Variants in ACOXL observed in about 807,000 individuals in gnomAD.
The protein encoded by ACOXL is acyl-coenzyme A oxidase-like protein.
In ACOXL, 70 loss-of-function variants were observed where a neutral mutation model predicts 71.9. The observed-to-expected ratio is 0.97, with a 90% CI of 0.80 to 1.19. The LOEUF (loss-of-function observed/expected upper bound fraction) is 1.19, where lower values mean the gene tolerates loss of function less well. Among genes scored for constraint, ACOXL ranks in the 50% most tolerant of loss-of-function variants. The probability of loss-of-function intolerance (pLI) is 0.00; values close to 1 mark genes in which losing one functional copy is unlikely to be tolerated. For missense variants in ACOXL, 703 were observed against 736.3 expected, an observed-to-expected ratio of 0.95 and a Z score of 0.52; for synonymous variants, 253 against 281.6, an observed-to-expected ratio of 0.90 and a Z score of 1.02.
intron 11 of ACOXL, among the ~76,000 whole-genome samples, chr2:110,911,369 T>A (rs981391392): frequency 6.6e-6 from 1 of 151,980 alleles, no homozygotes; most frequent in African/African-American, 2.4e-5. Flanking sequence ...TCCCAACTTA[T>A]CCCATGTGGC....
intron 10 of ACOXL, among the ~76,000 whole-genome samples, chr2:110,862,107 G>A (rs969529552): frequency 6.6e-6 from 1 of 152,168 alleles, no homozygotes. Context: ...CCTTCGAACC[G>A]AGAACCCTCA....
At chr2:111,097,434 T>C (rs1355010698) in intron 17 of ACOXL, among the ~76,000 whole-genome samples, 1 of 152,242 alleles carries the variant, frequency 6.6e-6, no homozygotes, top group Non-Finnish European at 1.5e-5. Flanking sequence ...CATTTTCATT[T>C]ATTTTATCTG....
intron 14 of ACOXL, among the ~76,000 whole-genome samples, chr2:111,024,600 G>A (rs2064931399): frequency 6.6e-6 from 1 of 152,188 alleles, no homozygotes; most frequent in Admixed American, 6.5e-5. Context: ...TTGTGGTAAG[G>A]AGTTACAGCA....
At chr2:110,799,148 C>A in intron 7 of ACOXL, 48 bp downstream of exon 7, 1 of 1,548,358 alleles carries the variant, frequency 6.5e-7, no homozygotes, top group South Asian at 1.1e-5. Context: ...CCTACCTGCT[C>A]CCCACCTGAC....
chr2:110,786,441 T>C (rs1237884606), intron 3 of ACOXL, among the ~76,000 whole-genome samples: 1 of 152,204 alleles, frequency 6.6e-6, no homozygotes, highest in Non-Finnish European at 1.5e-5. Flanking sequence ...CTTGGATGGG[T>C]TGGCTGTGGC....
chr2:110,996,032 CT>C, intron 14 of ACOXL, 28 bp downstream of exon 14: 1 of 1,563,356 alleles, frequency 6.4e-7, no homozygotes, highest in Non-Finnish European at 8.8e-7. Context: ...TATATTTTTC[CT>C]TTTGACATGT....
intron 8 of ACOXL, 74 bp from the exon 9 acceptor site, chr2:110,805,189 G>C: frequency 6.3e-7 from 1 of 1,584,146 alleles, no homozygotes; most frequent in Non-Finnish European, 8.6e-7. Flanking sequence ...GTATGCACAT[G>C]GGAGCCACCT....
At chr2:110,887,049 G>T (rs562398677) in intron 10 of ACOXL, 4 of 595,570 alleles carry the variant, frequency 6.7e-6, no homozygotes, top group South Asian at 4.6e-5. Flanking sequence ...GCGTCCACGG[G>T]TCTGCTGTGT....
intron 16 of ACOXL, among the ~76,000 whole-genome samples, chr2:111,089,535 A>C (rs78323860): frequency 0.028 from 4,267 of 152,296 alleles, 126 homozygotes; most frequent in South Asian, 0.14. Context: ...CTTAACCAAG[A>C]GTCATAAAGA....
At chr2:110,941,394 G>A (rs961265919) in intron 12 of ACOXL, among the ~76,000 whole-genome samples, 12 of 152,206 alleles carry the variant, frequency 7.9e-5, no homozygotes, top group African/African-American at 2.4e-4. Context: ...GACACCGGAC[G>A]TCACTGGACA....
chr2:110,814,754 C>T (rs560143799), intron 9 of ACOXL, among the ~76,000 whole-genome samples: 14 of 152,172 alleles, frequency 9.2e-5, no homozygotes, highest in Middle Eastern at 3.2e-3. Flanking sequence ...GTCAAAATAT[C>T]TTTACAATTT....
chr2:110,906,317 C>G (rs1359171202), intron 10 of ACOXL, among the ~76,000 whole-genome samples: 1 of 151,920 alleles, frequency 6.6e-6, no homozygotes, highest in African/African-American at 2.4e-5. Context: ...GCGGGTGGAT[C>G]ACCTGAGTTC....
At chr2:110,770,375 A>T (rs1259402544) in intron 2 of ACOXL, among the ~76,000 whole-genome samples, 1 of 152,160 alleles carries the variant, frequency 6.6e-6, no homozygotes, top group Non-Finnish European at 1.5e-5. Context: ...GTCTAAGGAG[A>T]CAAGGACCAA....
chr2:110,768,064 G>A (rs570523185), intron 1 of ACOXL, among the ~76,000 whole-genome samples: 20 of 152,174 alleles, frequency 1.3e-4, no homozygotes, highest in African/African-American at 4.1e-4. Flanking sequence ...CCCGGGAGGC[G>A]GAGGTTGCAG....
At chr2:111,042,563 A>G (rs1426923045) in intron 15 of ACOXL, among the ~76,000 whole-genome samples, 4 of 152,218 alleles carry the variant, frequency 2.6e-5, no homozygotes, top group African/African-American at 9.6e-5. Flanking sequence ...GGGCTTGAAC[A>G]GGGAATGACA....
chr2:110,760,303 T>C (rs58588523), intron 1 of ACOXL, among the ~76,000 whole-genome samples: 8,665 of 151,938 alleles, frequency 0.057, 414 homozygotes, highest in African/African-American at 0.12. Flanking sequence ...CCACCACGCC[T>C]GGCTAATTTT....
chr2:110,801,306 C>T (rs1685961464), intron 7 of ACOXL, among the ~76,000 whole-genome samples: 1 of 152,312 alleles, frequency 6.6e-6, no homozygotes, highest in Non-Finnish European at 1.5e-5. Context: ...TTCAGCTTCC[C>T]ATTCTTGCAG....
At chr2:111,067,444 A>C (rs1397673283) in intron 16 of ACOXL, among the ~76,000 whole-genome samples, 1 of 152,222 alleles carries the variant, frequency 6.6e-6, no homozygotes, top group African/African-American at 2.4e-5. Context: ...ATTAGAAAAC[A>C]GTAGGTTGGA....
In ACOXL at chr2:110,787,802, C is replaced by T. The variant is rs538136309; in HGVS notation, c.159+2987C>T. Among the ~76,000 whole-genome samples the T allele has an allele frequency of 1.0e-3, 156 of 152,284 alleles. 1 individual carries two copies. Among genetic ancestry groups the T allele is most frequent in the African/African-American group, 3.6e-3 (149 of 41,558 alleles). ...TCCTGGCTGACAACTATTCATTCTT[C>T]ATGTTCCAGCTAACGTGTCCTTCCC... On this transcript the variant is annotated intron_variant, in intron 3 of 17. Transcript: ENST00000439055.
Sources: gnomAD v4.1 joint callset for allele counts (sites outside exome capture counted in the v4.1 genomes callset) on GRCh38, gnomAD v4.1.1 for gene constraint, MANE v1.5 for transcripts, NCBI Gene and HGNC (gene_info 2026-07-23, HGNC 2026-07-21) for gene names.